TMEM117: variants seen among roughly 807,000 people sequenced by gnomAD.
TMEM117 encodes transmembrane protein 117.
In TMEM117, 27 loss-of-function variants were observed where a neutral mutation model predicts 52.4. The ratio of observed to expected loss-of-function variants is 0.51; its 90% CI spans 0.38 to 0.71. TMEM117 has a LOEUF of 0.71. Among genes scored for constraint, TMEM117 ranks in the 30% least tolerant of loss-of-function variants. TMEM117 has a pLI of 0.00. For synonymous variants in TMEM117, 215 were observed against 206.3 expected, an observed-to-expected ratio of 1.04 and a Z score of -0.36; for missense variants, 556 against 630.5, an observed-to-expected ratio of 0.88 and a Z score of 1.26.
chr12:44,138,206 G>T (rs1948519707), intron 3 of TMEM117, among the ~76,000 whole-genome samples: 1 of 151,996 alleles, frequency 6.6e-6, no homozygotes, highest in Non-Finnish European at 1.5e-5. Context: ...TGTCAATAAA[G>T]AATTTACTGT....
chr12:44,257,007 C>T (rs1035150379), intron 5 of TMEM117, among the ~76,000 whole-genome samples: 3 of 150,038 alleles, frequency 2.0e-5, no homozygotes, highest in Admixed American at 6.7e-5. Context: ...TTTTTTATTC[C>T]TCCTAGTTAA....
At chr12:44,357,160 A>T (rs553346013) in intron 6 of TMEM117, among the ~76,000 whole-genome samples, 1 of 152,290 alleles carries the variant, frequency 6.6e-6, no homozygotes, top group Non-Finnish European at 1.5e-5. Context: ...TTCAACAGAG[A>T]ACAAAATCAC....
At chr12:44,164,366 C>T (rs73290244) in intron 4 of TMEM117, among the ~76,000 whole-genome samples, 11,784 of 152,004 alleles carry the variant, frequency 0.078, 1,381 homozygotes, top group African/African-American at 0.26. Flanking sequence ...ACCATCCCAC[C>T]CCTTCCCCTG....
intron 3 of TMEM117, among the ~76,000 whole-genome samples, chr12:43,956,336 A>G (rs565102359): frequency 1.1e-4 from 16 of 152,160 alleles, no homozygotes; most frequent in Non-Finnish European, 1.6e-4. Context: ...GAATGAAACT[A>G]TCATCAGAGT....
rs370221211 is a variant in TMEM117, at chr12:44,294,934, G to A, written c.609-4646G>A. On this transcript the variant is annotated intron_variant, in intron 5 of 7. Transcript: ENST00000266534. ...TTCAAACTGTGGTTGACTGACTGTA[G>A]GTAAATGAAAGCATTGAAAGTGAAA... 2.6e-4 allele frequency among the ~76,000 whole-genome samples: 39 copies of A among 152,238 alleles called. No homozygotes were observed. The South Asian group carries it at 6.0e-3, about 23-fold the overall frequency.
At chr12:44,208,331 G>A (rs1592607016) in intron 4 of TMEM117, among the ~76,000 whole-genome samples, 1 of 152,108 alleles carries the variant, frequency 6.6e-6, no homozygotes. Context: ...AGAGGAAAGG[G>A]GAAGGGAAGG....
chr12:43,804,585 A>G, the TMEM117 span: 120 of 1,573,486 alleles, frequency 7.6e-5, 1 homozygote, highest in South Asian at 1.4e-3. Context: ...GTGGAAAAAG[A>G]TAAAGAAAGT....
At chr12:44,037,741 T>C (rs1946732982) in intron 3 of TMEM117, among the ~76,000 whole-genome samples, 1 of 152,140 alleles carries the variant, frequency 6.6e-6, no homozygotes, top group Non-Finnish European at 1.5e-5. Context: ...GATGACTGGA[T>C]GACCTGCCTG....
At position 44,219,842 on chromosome 12, in the gene TMEM117, C is replaced by T. The variant is rs141940157; in HGVS notation, c.608+8455C>T. On this transcript the variant is annotated intron_variant, in intron 5 of 7. Transcript: ENST00000266534. Reference sequence around the variant, plus strand: ...GGAGATAACATTCCAGCATTGGTTGCAAGAACAGTTGGTATCTAAAGTTCT... The same window carrying T: ...GGAGATAACATTCCAGCATTGGTTGTAAGAACAGTTGGTATCTAAAGTTCT... Among the ~76,000 whole-genome samples the T allele has an allele frequency of 1.9e-4, 29 of 152,212 alleles. No homozygotes were observed. In the East Asian group the frequency reaches 5.0e-3, roughly 26 times the overall value.
chr12:43,956,928 A>G (rs1945317796), intron 3 of TMEM117, among the ~76,000 whole-genome samples: 1 of 152,230 alleles, frequency 6.6e-6, no homozygotes, highest in Non-Finnish European at 1.5e-5. Context: ...GATAGAATGG[A>G]TAAAGAAAAT....
At chr12:43,941,806 C>T (rs930737199) in intron 2 of TMEM117, among the ~76,000 whole-genome samples, 17 of 152,162 alleles carry the variant, frequency 1.1e-4, no homozygotes, top group African/African-American at 1.7e-4. Context: ...TAGTGGCAGA[C>T]GATGAGCTTG....
intron 6 of TMEM117, among the ~76,000 whole-genome samples, chr12:44,334,063 G>C (rs150203124): frequency 1.3e-5 from 2 of 152,106 alleles, no homozygotes; most frequent in East Asian, 3.9e-4. Context: ...CTTTAAAATA[G>C]ATTTCCTGGT....
chr12:44,127,442 C>T lies in TMEM117; in HGVS notation c.411-16083C>T, dbSNP rs567343278. Among the ~76,000 whole-genome samples, 6 of 151,514 alleles carry T rather than the reference C, an allele frequency of 4.0e-5. No homozygotes were observed. The South Asian group carries it at 1.1e-3, about 27-fold the overall frequency. On this transcript the variant is annotated intron_variant, in intron 3 of 7. Coordinates refer to ENST00000266534, the MANE Select transcript of TMEM117 (RefSeq NM_032256.3). ...CTGTTACACCAGAACTTTGGGAGGC[C>T]GAGGGGAGCAAATCACCTGAGGTCA...
intron 3 of TMEM117, among the ~76,000 whole-genome samples, chr12:44,093,648 A>C (rs1310666567): frequency 2.0e-5 from 3 of 152,120 alleles, no homozygotes; most frequent in Non-Finnish European, 2.9e-5. Context: ...AATCATCCCA[A>C]TGAAATCATC....
At chr12:43,800,507 T>C in the TMEM117 span, 86 of 1,613,680 alleles carry the variant, frequency 5.3e-5, no homozygotes, top group Non-Finnish European at 6.9e-5. Context: ...CTCTTGTTGC[T>C]GCATACAACA....
chr12:44,172,742 T>C (rs1184088592), intron 4 of TMEM117, among the ~76,000 whole-genome samples: 1 of 152,218 alleles, frequency 6.6e-6, no homozygotes, highest in Non-Finnish European at 1.5e-5. Context: ...CTCTTTTTTT[T>C]GAGACTGAGT....
At chr12:44,094,824 G>A (rs763711460) in intron 3 of TMEM117, among the ~76,000 whole-genome samples, 6 of 151,964 alleles carry the variant, frequency 3.9e-5, no homozygotes, top group Non-Finnish European at 8.8e-5. Flanking sequence ...ACTAAAAAGG[G>A]GAGAGAGAAA....
At chr12:43,916,476 T>G (rs1944605095) in intron 2 of TMEM117, among the ~76,000 whole-genome samples, 3 of 152,210 alleles carry the variant, frequency 2.0e-5, no homozygotes, top group Admixed American at 2.0e-4. Flanking sequence ...CCCATCTAGA[T>G]TATTAAATAT....
At chr12:44,057,463 A>T (rs571096371) in intron 3 of TMEM117, among the ~76,000 whole-genome samples, 16 of 152,140 alleles carry the variant, frequency 1.1e-4, no homozygotes, top group Admixed American at 7.2e-4. Flanking sequence ...CCGCAAGCAC[A>T]TACCATTTCT....
Sources: allele counts gnomAD v4.1 joint callset (sites outside exome capture counted in the v4.1 genomes callset), GRCh38; gene constraint gnomAD v4.1.1; transcripts MANE v1.5; gene names NCBI Gene and HGNC (gene_info 2026-07-23, HGNC 2026-07-21).